The following QTMAN variants were observed in gnomAD, a reference collection of about 807,000 sequenced individuals.
The protein encoded by QTMAN is tRNA-queuosine alpha-mannosyltransferase.
chr2:144,108,483 CA>C, the QTMAN span, among the ~76,000 whole-genome samples: 2 of 151,818 alleles, frequency 1.3e-5, no homozygotes, highest in Admixed American at 1.3e-4. Flanking sequence ...ACTAAAAATA[CA>C]AAAAATTAGC....
the QTMAN span, among the ~76,000 whole-genome samples, chr2:144,185,961 A>G: frequency 6.6e-6 from 1 of 152,352 alleles, no homozygotes; most frequent in South Asian, 2.1e-4. Flanking sequence ...CAGGCAATGT[A>G]TGTTTGCCTG....
the QTMAN span, among the ~76,000 whole-genome samples, chr2:144,222,887 A>T: frequency 6.6e-6 from 1 of 152,300 alleles, no homozygotes; most frequent in African/African-American, 2.4e-5. Context: ...CGGAGCGAGG[A>T]CTGATTGGAT....
the QTMAN span, among the ~76,000 whole-genome samples, chr2:144,249,146 T>C: frequency 6.6e-6 from 1 of 152,232 alleles, no homozygotes; most frequent in Non-Finnish European, 1.5e-5. Flanking sequence ...GTTTGGTTTT[T>C]ATTTAGATCT....
chr2:144,187,631 C>T, the QTMAN span, among the ~76,000 whole-genome samples: 1 of 152,084 alleles, frequency 6.6e-6, no homozygotes, highest in Non-Finnish European at 1.5e-5. Flanking sequence ...GAATTAATGA[C>T]TATTTTACAG....
the QTMAN span, among the ~76,000 whole-genome samples, chr2:144,081,338 T>C: frequency 2.0e-5 from 3 of 152,128 alleles, no homozygotes; most frequent in African/African-American, 7.2e-5. Context: ...CCTAATTCTG[T>C]GGCAATTGCT....
chr2:144,162,276 T>C, the QTMAN span, among the ~76,000 whole-genome samples: 14 of 152,224 alleles, frequency 9.2e-5, no homozygotes, highest in East Asian at 2.5e-3. Context: ...AAGGAAACAG[T>C]ACCACCTACA....
chr2:144,133,439 TATAATATATAATATATA>T, the QTMAN span, among the ~76,000 whole-genome samples: 11 of 59,056 alleles, frequency 1.9e-4, no homozygotes, highest in East Asian at 1.3e-3. Context: ...ATATATAATA[TATAATATATAATATATA>T]ATATATATTA....
At chr2:144,089,606 T>TG in the QTMAN span, among the ~76,000 whole-genome samples, 193 of 152,068 alleles carry the variant, frequency 1.3e-3, no homozygotes, top group African/African-American at 4.5e-3. Flanking sequence ...AGATACTATT[T>TG]GGTCATAAAA....
chr2:143,998,458 G>A, the QTMAN span, among the ~76,000 whole-genome samples: 41 of 151,588 alleles, frequency 2.7e-4, 1 homozygote, highest in South Asian at 8.1e-3. Context: ...TACATAATTT[G>A]TAGTAGTTAC....
At chr2:144,146,405 G>T in the QTMAN span, among the ~76,000 whole-genome samples, 2 of 151,106 alleles carry the variant, frequency 1.3e-5, no homozygotes, top group Non-Finnish European at 3.0e-5. Context: ...TTTATGAAAG[G>T]CTGATTCCTC....
the QTMAN span, among the ~76,000 whole-genome samples, chr2:144,018,676 T>C: frequency 7.6e-3 from 1,153 of 152,226 alleles, 14 homozygotes; most frequent in African/African-American, 0.026. Flanking sequence ...CAGCAAATAC[T>C]CAGTGAAAAC....
the QTMAN span, among the ~76,000 whole-genome samples, chr2:144,044,222 A>T: frequency 6.6e-6 from 1 of 152,222 alleles, no homozygotes; most frequent in East Asian, 1.9e-4. Context: ...CTGTATTTTA[A>T]TTTTTACCAT....
the QTMAN span, among the ~76,000 whole-genome samples, chr2:144,036,541 C>T: frequency 6.6e-6 from 1 of 151,356 alleles, no homozygotes; most frequent in Non-Finnish European, 1.5e-5. Flanking sequence ...AAAACACTTC[C>T]TTACTATCTG....
chr2:144,091,932 A>G, the QTMAN span, among the ~76,000 whole-genome samples: 3 of 152,330 alleles, frequency 2.0e-5, no homozygotes, highest in Non-Finnish European at 4.4e-5. Flanking sequence ...GATAAAAAGA[A>G]GTGCATACTA....
the QTMAN span, among the ~76,000 whole-genome samples, chr2:143,991,146 T>C: frequency 1.3e-5 from 2 of 151,940 alleles, no homozygotes; most frequent in Admixed American, 1.3e-4. Flanking sequence ...AGATCCAGAT[T>C]CCAAAAGGAG....
chr2:144,132,563 G>A, the QTMAN span, among the ~76,000 whole-genome samples: 1 of 152,100 alleles, frequency 6.6e-6, no homozygotes, highest in Non-Finnish European at 1.5e-5. Flanking sequence ...AGCTGTACAT[G>A]TGACCTTTCA....
chr2:143,987,350 C>T, the QTMAN span, among the ~76,000 whole-genome samples: 6 of 152,256 alleles, frequency 3.9e-5, no homozygotes, highest in South Asian at 4.1e-4. Flanking sequence ...TTCTAGACTC[C>T]GTGAATACAG....
At chr2:143,984,741 A>C in the QTMAN span, among the ~76,000 whole-genome samples, 1 of 152,126 alleles carries the variant, frequency 6.6e-6, no homozygotes, top group Non-Finnish European at 1.5e-5. Flanking sequence ...TCGAGAGGAG[A>C]AGCAGCAGCT....
At chr2:144,004,910 GC>G in the QTMAN span, among the ~76,000 whole-genome samples, 1 of 151,946 alleles carries the variant, frequency 6.6e-6, no homozygotes, top group African/African-American at 2.4e-5. Flanking sequence ...TTGCCCGAAG[GC>G]TTTACCAATG....
Sources: allele counts gnomAD v4.1 joint callset (sites outside exome capture counted in the v4.1 genomes callset), GRCh38; gene constraint gnomAD v4.1.1; transcripts MANE v1.5; gene names NCBI Gene and HGNC (gene_info 2026-07-23, HGNC 2026-07-21).